The following ATP9B variants were observed in gnomAD, a reference collection of about 807,000 sequenced individuals.
ATP9B encodes the protein ATPase phospholipid transporting 9B.
A neutral mutation model predicts 146.1 loss-of-function variants in ATP9B; 110 were observed. The observed-to-expected ratio is 0.75, with a 90% CI of 0.65 to 0.88. The LOEUF is 0.88. Among genes scored for constraint, ATP9B ranks in the 40% least tolerant of loss-of-function variants. The pLI is 0.00. For missense variants in ATP9B, 1,499 were observed against 1,496.4 expected, an observed-to-expected ratio of 1.00 and a Z score of -0.03; for synonymous variants, 604 against 569.7, an observed-to-expected ratio of 1.06 and a Z score of -0.86.
At chr18:79,267,659 A>C (rs2096216678) in intron 12 of ATP9B, among the ~76,000 whole-genome samples, 1 of 152,124 alleles carries the variant, frequency 6.6e-6, no homozygotes, top group Non-Finnish European at 1.5e-5. Flanking sequence ...CATAGTTGAG[A>C]AATTTCTAAT....
intron 4 of ATP9B, 116 bp from the exon 5 acceptor site, chr18:79,126,146 ATTTAT>A (rs1398842253): frequency 3.9e-6 from 3 of 767,682 alleles, no homozygotes; most frequent in Non-Finnish European, 4.0e-6. Flanking sequence ...TTTGGTTTTC[ATTTAT>A]TTTATGTTTT....
At chr18:79,137,285 C>G (rs2094459486) in intron 5 of ATP9B, among the ~76,000 whole-genome samples, 1 of 152,112 alleles carries the variant, frequency 6.6e-6, no homozygotes, top group African/African-American at 2.4e-5. Context: ...AATGGTTTTT[C>G]TCCTCGTATG....
At chr18:79,222,090 T>C (rs939861126) in intron 11 of ATP9B, among the ~76,000 whole-genome samples, 1 of 152,136 alleles carries the variant, frequency 6.6e-6, no homozygotes, top group African/African-American at 2.4e-5. Context: ...AAATATGTAC[T>C]TTTTCCAAAA....
intron 8 of ATP9B, among the ~76,000 whole-genome samples, chr18:79,183,492 T>C (rs1321566589): frequency 6.6e-6 from 1 of 152,192 alleles, no homozygotes; most frequent in Non-Finnish European, 1.5e-5. Context: ...GTATTTCTCA[T>C]ATTTTTATTT....
chr18:79,248,617 GTTC>G (rs1449407144), intron 11 of ATP9B, among the ~76,000 whole-genome samples: 3 of 152,158 alleles, frequency 2.0e-5, no homozygotes, highest in Non-Finnish European at 2.9e-5. Context: ...GTACAAAGCT[GTTC>G]TTCTCTGCTA....
At chr18:79,138,652 A>T (rs1383291066) in intron 5 of ATP9B, among the ~76,000 whole-genome samples, 2 of 152,150 alleles carry the variant, frequency 1.3e-5, no homozygotes, top group African/African-American at 4.8e-5. Context: ...TATCATCTCA[A>T]CTAAATTTGT....
intron 2 of ATP9B, among the ~76,000 whole-genome samples, chr18:79,102,733 A>ACAT (rs2075372714): frequency 6.6e-6 from 1 of 152,106 alleles, no homozygotes; most frequent in African/African-American, 2.4e-5. Flanking sequence ...GGGGGGATTG[A>ACAT]CATGTTTCCT....
chr18:79,375,122 C>G (rs1373091636), intron 28 of ATP9B, among the ~76,000 whole-genome samples: 1 of 152,234 alleles, frequency 6.6e-6, no homozygotes, highest in Admixed American at 6.5e-5. Context: ...CTGAGCTCCT[C>G]TCAGACCTGG....
chr18:79,366,375 T>C (rs2097029285), intron 26 of ATP9B, among the ~76,000 whole-genome samples: 1 of 152,154 alleles, frequency 6.6e-6, no homozygotes, highest in Admixed American at 6.5e-5. Flanking sequence ...AGAAAGGAGC[T>C]CTTTTCAGTG....
chr18:79,318,999 G>T (rs1166027486), intron 15 of ATP9B, among the ~76,000 whole-genome samples: 1 of 152,184 alleles, frequency 6.6e-6, no homozygotes, highest in African/African-American at 2.4e-5. Flanking sequence ...GGGAAGAAAA[G>T]TGTGTTTCTG....
chr18:79,361,209 A>C (rs571160458), intron 26 of ATP9B: 2 of 152,166 alleles, frequency 1.3e-5, no homozygotes, highest in East Asian at 3.8e-4. Flanking sequence ...TTGACCGGCT[A>C]TTGGAGTGGG....
chr18:79,190,914 T>G (rs1337856830), intron 8 of ATP9B, among the ~76,000 whole-genome samples: 1 of 152,178 alleles, frequency 6.6e-6, no homozygotes, highest in Non-Finnish European at 1.5e-5. Context: ...AAATATTTAC[T>G]TAGATATTTA....
chr18:79,297,265 G>C (rs1167860922), intron 13 of ATP9B, among the ~76,000 whole-genome samples: 1 of 148,174 alleles, frequency 6.7e-6, no homozygotes, highest in African/African-American at 2.5e-5. Context: ...CCAGAGAGAA[G>C]ACAGAGAGAT....
At chr18:79,174,804 A>G (rs568138802) in intron 7 of ATP9B, among the ~76,000 whole-genome samples, 2 of 152,224 alleles carry the variant, frequency 1.3e-5, no homozygotes, top group African/African-American at 2.4e-5. Context: ...TACTATAGCA[A>G]TGCTCCTGTA....
chr18:79,075,729 C>CT (rs954150193), intron 1 of ATP9B, among the ~76,000 whole-genome samples: 12 of 151,070 alleles, frequency 7.9e-5, no homozygotes, highest in African/African-American at 1.5e-4. Context: ...ACGGTTGGTT[C>CT]TTTTTTTTTA....
intron 9 of ATP9B, 21 bp downstream of exon 9, chr18:79,193,284 A>G (rs112433634): frequency 5.2e-6 from 8 of 1,546,112 alleles, no homozygotes; most frequent in Non-Finnish European, 7.1e-6. Flanking sequence ...CCTGTTGTTC[A>G]ATACAAATAG....
chr18:79,107,409 C>T (rs907807430), intron 2 of ATP9B, among the ~76,000 whole-genome samples: 15 of 152,122 alleles, frequency 9.9e-5, no homozygotes, highest in East Asian at 3.9e-4. Context: ...CTCATTTGGA[C>T]GGTCCAGGCC....
intron 5 of ATP9B, among the ~76,000 whole-genome samples, chr18:79,143,078 C>T (rs1369865867): frequency 1.3e-5 from 2 of 150,928 alleles, no homozygotes; most frequent in African/African-American, 4.9e-5. Context: ...TGGGAGAGGC[C>T]CAGGAAGAGA....
At chr18:79,316,355 G>A (rs891405566) in intron 15 of ATP9B, among the ~76,000 whole-genome samples, 8 of 152,162 alleles carry the variant, frequency 5.3e-5, no homozygotes, top group African/African-American at 1.9e-4. Flanking sequence ...GAATGTGAGG[G>A]CTGCAGCCAC....
Sources: allele counts gnomAD v4.1 joint callset (sites outside exome capture counted in the v4.1 genomes callset), GRCh38; gene constraint gnomAD v4.1.1; transcripts MANE v1.5; gene names NCBI Gene and HGNC (gene_info 2026-07-23, HGNC 2026-07-21).